The following NRXN3 variants were observed in gnomAD, a reference collection of about 807,000 sequenced individuals.
NRXN3 encodes neurexin III.
NRXN3 carries 32 observed loss-of-function variants against 137.6 expected under a neutral mutation model. The ratio of observed to expected loss-of-function variants is 0.23; its 90% CI spans 0.18 to 0.31. The LOEUF (loss-of-function observed/expected upper bound fraction) is 0.31, where lower values mean the gene tolerates loss of function less well. Ranked by LOEUF, NRXN3 falls within the 10% of genes least tolerant of loss-of-function variation. The probability of loss-of-function intolerance (pLI) is 1.00; values close to 1 mark genes in which losing one functional copy is unlikely to be tolerated. For synonymous variants in NRXN3, 798 were observed against 784.5 expected, an observed-to-expected ratio of 1.02 and a Z score of -0.29; for missense variants, 1,574 against 2,062.5, an observed-to-expected ratio of 0.76 and a Z score of 4.59.
chr14:78,983,854 T>TAAAAAAAAAAAA (rs965751583), intron 14 of NRXN3, among the ~76,000 whole-genome samples: 1 of 105,952 alleles, frequency 9.4e-6, no homozygotes, highest in African/African-American at 3.3e-5. Context: ...AGATTCCATT[T>TAAAAAAAAAAAA]AAAAAAAAAA....
chr14:78,546,093 G>C (rs913821747), intron 4 of NRXN3, among the ~76,000 whole-genome samples: 2 of 152,176 alleles, frequency 1.3e-5, no homozygotes, highest in Non-Finnish European at 2.9e-5. Flanking sequence ...CAGGAATGGG[G>C]TTGATAAATA....
chr14:78,290,871 C>T (rs879248904), intron 3 of NRXN3, among the ~76,000 whole-genome samples: 3 of 152,102 alleles, frequency 2.0e-5, no homozygotes, highest in East Asian at 1.9e-4. Context: ...TGACAGTATC[C>T]GTGACTGAGG....
chr14:78,519,533 T>C (rs2096257508), intron 4 of NRXN3, among the ~76,000 whole-genome samples: 1 of 152,194 alleles, frequency 6.6e-6, no homozygotes. Context: ...ATTGAGTACA[T>C]ACAATGTGCC....
At chr14:79,761,352 ATTGT>A (rs1327920467) in intron 19 of NRXN3, among the ~76,000 whole-genome samples, 1 of 151,572 alleles carries the variant, frequency 6.6e-6, no homozygotes, top group East Asian at 1.9e-4. Flanking sequence ...TATGACACAA[ATTGT>A]TTGGTCAATA....
At chr14:78,555,877 C>G (rs1168646056) in intron 4 of NRXN3, among the ~76,000 whole-genome samples, 2 of 152,182 alleles carry the variant, frequency 1.3e-5, no homozygotes, top group African/African-American at 4.8e-5. Flanking sequence ...TAAGTTACCT[C>G]TTTATTCTTT....
intron 10 of NRXN3, among the ~76,000 whole-genome samples, chr14:78,832,873 T>C (rs759167730): frequency 8.2e-4 from 125 of 152,170 alleles, no homozygotes; most frequent in Non-Finnish European, 1.6e-3. Context: ...TTGGATAACA[T>C]TGATCCTGTT....
chr14:78,496,439 A>G (rs1018924426), intron 4 of NRXN3, among the ~76,000 whole-genome samples: 8 of 152,168 alleles, frequency 5.3e-5, no homozygotes, highest in African/African-American at 1.9e-4. Flanking sequence ...AGTTAATTAG[A>G]TGATTTTCTT....
At chr14:78,910,110 T>C (rs1333761548) in intron 10 of NRXN3, among the ~76,000 whole-genome samples, 1 of 152,174 alleles carries the variant, frequency 6.6e-6, no homozygotes, top group Non-Finnish European at 1.5e-5. Context: ...TTTAGAAATA[T>C]GTTATCCAAA....
intron 16 of NRXN3, among the ~76,000 whole-genome samples, chr14:79,509,490 T>G (rs1240284041): frequency 6.6e-6 from 1 of 151,794 alleles, no homozygotes; most frequent in African/African-American, 2.4e-5. Context: ...CTCTACAGCC[T>G]GGCCAATAGA....
chr14:79,116,697 T>A (rs764263920), intron 15 of NRXN3, among the ~76,000 whole-genome samples: 2 of 152,204 alleles, frequency 1.3e-5, no homozygotes, highest in Non-Finnish European at 2.9e-5. Flanking sequence ...TTTAAATAAA[T>A]GTTAGGGCAG....
In NRXN3 at chr14:79,792,981, G is replaced by A. The variant is rs559303458; in HGVS notation, c.4015-12131G>A. Among the ~76,000 whole-genome samples the A allele has an allele frequency of 3.9e-5, 6 of 152,194 alleles. No homozygotes were observed. In the South Asian group the frequency reaches 6.2e-4, roughly 16 times the overall value. On this transcript the variant is annotated intron_variant, in intron 19 of 20. Transcript: ENST00000335750. ...AGAGGTGGAAATAAACAAAAGCTGC[G>A]CCCTTATTAGAGAATACTCTCTGGA...
At chr14:78,516,888 A>T (rs1250795352) in intron 4 of NRXN3, among the ~76,000 whole-genome samples, 4 of 152,202 alleles carry the variant, frequency 2.6e-5, no homozygotes, top group African/African-American at 9.6e-5. Flanking sequence ...ACTGGGAACC[A>T]GGAGACCTGT....
At chr14:79,443,478 G>C (rs1434738054) in intron 15 of NRXN3, among the ~76,000 whole-genome samples, 3 of 152,130 alleles carry the variant, frequency 2.0e-5, no homozygotes, top group African/African-American at 7.2e-5. Flanking sequence ...GCTTCATAAA[G>C]AAAGTGATAC....
intron 4 of NRXN3, among the ~76,000 whole-genome samples, chr14:78,376,861 T>C (rs902639298): frequency 1.3e-5 from 2 of 152,134 alleles, no homozygotes; most frequent in African/African-American, 4.8e-5. Context: ...CACGAGTGGA[T>C]TGTGATAAGT....
At chr14:79,830,803 C>G (rs1205724772) in intron 20 of NRXN3, among the ~76,000 whole-genome samples, 1 of 152,192 alleles carries the variant, frequency 6.6e-6, no homozygotes, top group African/African-American at 2.4e-5. Flanking sequence ...CTCACTGACT[C>G]CATCAAGGCA....
chr14:79,357,397 T>C (rs1273085916), intron 15 of NRXN3, among the ~76,000 whole-genome samples: 1 of 152,234 alleles, frequency 6.6e-6, no homozygotes, highest in Non-Finnish European at 1.5e-5. Context: ...CCAACATTAT[T>C]ATCAGCTAAT....
intron 4 of NRXN3, among the ~76,000 whole-genome samples, chr14:78,566,561 A>G (rs1487752685): frequency 1.3e-5 from 2 of 152,172 alleles, no homozygotes; most frequent in Non-Finnish European, 2.9e-5. Flanking sequence ...GCGTTAGGTT[A>G]TGGGGAGCCC....
intron 15 of NRXN3, among the ~76,000 whole-genome samples, chr14:79,293,535 C>T (rs1041356996): frequency 1.3e-5 from 2 of 152,238 alleles, no homozygotes; most frequent in African/African-American, 4.8e-5. Flanking sequence ...GCTGTTTAGT[C>T]TCTTTCTAGT....
At chr14:78,407,670 T>C (rs17107516) in intron 4 of NRXN3, among the ~76,000 whole-genome samples, 3,759 of 152,306 alleles carry the variant, frequency 0.025, 131 homozygotes, top group African/African-American at 0.081. Flanking sequence ...TGTAACACCA[T>C]GCCATGCCCA....
Sources: gnomAD v4.1 joint callset for allele counts (sites outside exome capture counted in the v4.1 genomes callset) on GRCh38, gnomAD v4.1.1 for gene constraint, MANE v1.5 for transcripts, NCBI Gene and HGNC (gene_info 2026-07-23, HGNC 2026-07-21) for gene names.